NEGR1: variants seen among roughly 807,000 people sequenced by gnomAD.
NEGR1 encodes the protein neuronal growth regulator 1.
A neutral mutation model predicts 40.9 loss-of-function variants in NEGR1; 10 were observed. The ratio of observed to expected loss-of-function variants is 0.24; its 90% CI spans 0.15 to 0.42. The LOEUF is 0.42. Ranked by LOEUF, NEGR1 falls within the 10% of genes least tolerant of loss-of-function variation. The pLI, the probability that NEGR1 is intolerant of heterozygous loss-of-function variation, is 1.00. For missense variants in NEGR1, 352 were observed against 438.9 expected (o/e 0.80, Z 1.77); for synonymous variants, 185 against 166.8 (o/e 1.11, Z -0.84).
At chr1:72,162,809 A>T (rs879887795) in intron 1 of NEGR1, among the ~76,000 whole-genome samples, 8 of 152,186 alleles carry the variant, frequency 5.3e-5, no homozygotes, top group Non-Finnish European at 8.8e-5. Context: ...ACTGCAGAGG[A>T]TAGCAGTATT....
chr1:71,719,631 T>A (rs183678139), intron 3 of NEGR1, among the ~76,000 whole-genome samples: 47 of 152,200 alleles, frequency 3.1e-4, no homozygotes, highest in East Asian at 1.4e-3. Context: ...TGTTTTTTTT[T>A]TTATTATTAT....
chr1:71,729,290 T>C (rs1482123854), intron 3 of NEGR1, among the ~76,000 whole-genome samples: 1 of 152,164 alleles, frequency 6.6e-6, no homozygotes, highest in Non-Finnish European at 1.5e-5. Context: ...AGTATTTAAA[T>C]TGAAACATCT....
chr1:71,898,801 A>G (rs1307883141), intron 2 of NEGR1, among the ~76,000 whole-genome samples: 1 of 149,696 alleles, frequency 6.7e-6, no homozygotes, highest in Admixed American at 6.7e-5. Context: ...CAGAGCAAGT[A>G]TATGTATACA....
intron 1 of NEGR1, among the ~76,000 whole-genome samples, chr1:72,059,109 T>A (rs1333245924): frequency 1.3e-5 from 2 of 151,738 alleles, no homozygotes; most frequent in Non-Finnish European, 3.0e-5. Context: ...TTTTTCTTGT[T>A]GCTTTTCTCT....
intron 4 of NEGR1, among the ~76,000 whole-genome samples, chr1:71,613,631 G>C (rs1431828030): frequency 6.6e-6 from 1 of 151,170 alleles, no homozygotes; most frequent in African/African-American, 2.4e-5. Context: ...CTTCAGCCTG[G>C]GCAACCAAAG....
At chr1:71,939,302 CTTGA>C (rs1645938681) in intron 1 of NEGR1, among the ~76,000 whole-genome samples, 1 of 152,134 alleles carries the variant, frequency 6.6e-6, no homozygotes, top group East Asian at 1.9e-4. Context: ...TATCTATTTA[CTTGA>C]TTGATTATTG....
At chr1:71,671,115 A>G (rs1034116006) in intron 4 of NEGR1, among the ~76,000 whole-genome samples, 4 of 152,224 alleles carry the variant, frequency 2.6e-5, no homozygotes, top group African/African-American at 7.2e-5. Context: ...AAAGAACTTT[A>G]TATTGTCATC....
intron 6 of NEGR1, among the ~76,000 whole-genome samples, chr1:71,481,783 G>A (rs1467781581): frequency 6.6e-6 from 1 of 151,730 alleles, no homozygotes; most frequent in Non-Finnish European, 1.5e-5. Flanking sequence ...TGAACTTTTA[G>A]TTTAGTTATT....
intron 3 of NEGR1, among the ~76,000 whole-genome samples, chr1:71,760,811 T>C (rs1292991976): frequency 1.3e-5 from 2 of 152,206 alleles, no homozygotes; most frequent in Admixed American, 6.5e-5. Flanking sequence ...GTACACAGTC[T>C]GTTCATAACA....
chr1:71,594,790 A>G (rs753712900), intron 5 of NEGR1, among the ~76,000 whole-genome samples: 34 of 152,338 alleles, frequency 2.2e-4, no homozygotes, highest in Non-Finnish European at 4.9e-4. Context: ...GTAAAAAACC[A>G]GTTTCATTGC....
In NEGR1 at chr1:71,450,740, G is replaced by A. The variant is rs565675591; in HGVS notation, c.941-43170C>T. Among the ~76,000 whole-genome samples, 675 of 152,008 alleles carry A rather than the reference G, an allele frequency of 4.4e-3. 7 individuals carry two copies. Among genetic ancestry groups the A allele is most frequent in the African/African-American group, 0.016 (651 of 41,464 alleles). On this transcript the variant is annotated intron_variant, in intron 6 of 6. Transcript: ENST00000357731. Reference sequence around the variant, plus strand: ...CAGGAGAATCGCTTGAACCCAAAACGTAGAGGTTGCAGTGAGCTGAGATGG... The same window carrying A: ...CAGGAGAATCGCTTGAACCCAAAACATAGAGGTTGCAGTGAGCTGAGATGG...
chr1:71,420,885 C>G (rs889084423), intron 6 of NEGR1, among the ~76,000 whole-genome samples: 1 of 152,068 alleles, frequency 6.6e-6, no homozygotes. Context: ...ATTCCATAGT[C>G]TAGTAAATTA....
At chr1:71,880,632 A>G (rs1485108227) in intron 2 of NEGR1, among the ~76,000 whole-genome samples, 1 of 152,014 alleles carries the variant, frequency 6.6e-6, no homozygotes, top group Non-Finnish European at 1.5e-5. Flanking sequence ...GAAGCTTTTC[A>G]AAGTACTCTT....
At chr1:71,539,729 T>TGCCATAC (rs1311691505) in intron 6 of NEGR1, among the ~76,000 whole-genome samples, 1 of 151,740 alleles carries the variant, frequency 6.6e-6, no homozygotes, top group Non-Finnish European at 1.5e-5. Context: ...GTATAAATAT[T>TGCCATAC]GCCATACTTA....
chr1:72,074,718 G>A (rs975422295), intron 1 of NEGR1, among the ~76,000 whole-genome samples: 1 of 151,940 alleles, frequency 6.6e-6, no homozygotes, highest in African/African-American at 2.4e-5. Context: ...TTCCCAATGT[G>A]CTTTTATTTT....
chr1:71,832,601 G>A (rs1006947721), intron 2 of NEGR1, among the ~76,000 whole-genome samples: 1 of 152,042 alleles, frequency 6.6e-6, no homozygotes, highest in African/African-American at 2.4e-5. Flanking sequence ...ACAATAGTTG[G>A]TAGGTCCTCA....
rs574015349 is a variant in NEGR1, at chr1:71,493,882, TATC to T, written c.941-86315_941-86313del. 7.2e-5 allele frequency among the ~76,000 whole-genome samples: 11 copies of T among 152,348 alleles called. No homozygotes were observed. The East Asian group carries it at 1.9e-3, about 27-fold the overall frequency. Reference sequence around the variant, plus strand: ...TTATTTATCTCAGCTACCTAAAGCATATCCCACATTTGCTGGGATGGGATCCTT... The same window carrying T: ...TTATTTATCTCAGCTACCTAAAGCATCCACATTTGCTGGGATGGGATCCTT... On this transcript the variant is annotated intron_variant, in intron 6 of 6. Transcript: ENST00000357731.
At chr1:72,155,384 A>T (rs1446736649) in intron 1 of NEGR1, among the ~76,000 whole-genome samples, 1 of 152,040 alleles carries the variant, frequency 6.6e-6, no homozygotes, top group Non-Finnish European at 1.5e-5. Flanking sequence ...CATATAACCT[A>T]GTGGCTTTGT....
At chr1:72,004,050 GAGAAA>G (rs1231298718) in intron 1 of NEGR1, among the ~76,000 whole-genome samples, 1 of 151,958 alleles carries the variant, frequency 6.6e-6, no homozygotes, top group Non-Finnish European at 1.5e-5. Flanking sequence ...ATTAGTTGAG[GAGAAA>G]AGAAGTGTGG....
Sources: gnomAD v4.1 joint callset for allele counts (sites outside exome capture counted in the v4.1 genomes callset) on GRCh38, gnomAD v4.1.1 for gene constraint, MANE v1.5 for transcripts, NCBI Gene and HGNC (gene_info 2026-07-23, HGNC 2026-07-21) for gene names.